The following UGT1A10 variants were observed in gnomAD, a reference collection of about 807,000 sequenced individuals.
UGT1A10 encodes UDP-glucuronosyltransferase 1A10.
UGT1A10 carries 49 observed loss-of-function variants against 45.8 expected under a neutral mutation model. The ratio of observed to expected loss-of-function variants is 1.07; its 90% CI spans 0.85 to 1.36. The LOEUF is 1.36. Among genes scored for constraint, UGT1A10 ranks in the 40% most tolerant of loss-of-function variants. UGT1A10 has a pLI of 0.00. For missense variants in UGT1A10, 745 were observed against 668.6 expected (o/e 1.11, Z -1.26); for synonymous variants, 284 against 249.7 (o/e 1.14, Z -1.29).
At chr2:233,712,490 G>T (rs916274893) in intron 1 of UGT1A10, among the ~76,000 whole-genome samples, 2 of 152,158 alleles carry the variant, frequency 1.3e-5, no homozygotes, top group Admixed American at 1.3e-4. Context: ...AAGAAAGCTG[G>T]CTTAGCAATG....
chr2:233,754,758 C>T (rs1438461710), intron 1 of UGT1A10: 1 of 879,896 alleles, frequency 1.1e-6, no homozygotes, highest in Non-Finnish European at 1.7e-6. Context: ...GGAAGAAAGG[C>T]CCCCACTTCC....
chr2:233,710,795 T>C (rs914559681), intron 1 of UGT1A10, among the ~76,000 whole-genome samples: 1 of 152,238 alleles, frequency 6.6e-6, no homozygotes. Flanking sequence ...TTGTGTTTTG[T>C]ACCCCTCGTG....
intron 1 of UGT1A10, among the ~76,000 whole-genome samples, chr2:233,656,730 TC>T (rs1163395093): frequency 2.6e-5 from 4 of 152,114 alleles, no homozygotes; most frequent in African/African-American, 9.7e-5. Context: ...CAGCCTTCTG[TC>T]CCGTCGTGGC....
At chr2:233,705,790 C>A (rs1416017084) in intron 1 of UGT1A10, among the ~76,000 whole-genome samples, 6 of 152,064 alleles carry the variant, frequency 3.9e-5, no homozygotes, top group African/African-American at 1.4e-4. Flanking sequence ...GCAAAATGCC[C>A]CTTGTTCAAA....
At position 233,706,863 on chromosome 2, in the gene UGT1A10, A is replaced by G. The variant is rs557746658; in HGVS notation, c.856-60171A>G. 6.4e-4 allele frequency among the ~76,000 whole-genome samples: 97 copies of G among 152,338 alleles called. 1 individual carries two copies. In the South Asian group the frequency reaches 0.019, roughly 30 times the overall value. Reference sequence around the variant, plus strand: ...CTCAGCAGTCTTTACTAAGATTCCTAGACCTGGCACTTCCCAGCTCTGGTT... The same window carrying G: ...CTCAGCAGTCTTTACTAAGATTCCTGGACCTGGCACTTCCCAGCTCTGGTT... On this transcript the variant is annotated intron_variant, in intron 1 of 4. Coordinates refer to ENST00000344644, the MANE Select transcript of UGT1A10 (RefSeq NM_019075.4).
chr2:233,760,962 G>C, intron 1 of UGT1A10: 1 of 1,614,152 alleles, frequency 6.2e-7, no homozygotes, highest in Non-Finnish European at 8.5e-7. Flanking sequence ...TGTGCGACGT[G>C]GTTTATTCCC....
At chr2:233,645,369 G>T (rs1271836659) in intron 1 of UGT1A10, among the ~76,000 whole-genome samples, 1 of 152,124 alleles carries the variant, frequency 6.6e-6, no homozygotes, top group Non-Finnish European at 1.5e-5. Flanking sequence ...CAAATCTCAT[G>T]TCCTCACATT....
intron 1 of UGT1A10, among the ~76,000 whole-genome samples, chr2:233,665,269 T>G (rs2074049645): frequency 6.6e-6 from 1 of 152,250 alleles, no homozygotes; most frequent in Non-Finnish European, 1.5e-5. Flanking sequence ...TTCAACCAAT[T>G]AATATTGATA....
intron 1 of UGT1A10, among the ~76,000 whole-genome samples, chr2:233,680,686 T>A (rs1375454354): frequency 6.6e-6 from 1 of 151,856 alleles, no homozygotes; most frequent in East Asian, 1.9e-4. Flanking sequence ...GGAAGGAGGA[T>A]GAAAACAGGT....
intron 1 of UGT1A10, chr2:233,689,786 T>C: frequency 2.4e-6 from 1 of 409,846 alleles, no homozygotes; most frequent in Middle Eastern, 7.9e-4. Flanking sequence ...TATGTTATGA[T>C]GTGATCTGTA....
At chr2:233,676,121 C>A (rs553203666) in intron 1 of UGT1A10, among the ~76,000 whole-genome samples, 1 of 152,246 alleles carries the variant, frequency 6.6e-6, no homozygotes, top group Admixed American at 6.5e-5. Flanking sequence ...ACAGAAGACC[C>A]ACCCTGGGGT....
chr2:233,689,817 A>T, intron 1 of UGT1A10: 3 of 442,316 alleles, frequency 6.8e-6, no homozygotes, highest in South Asian at 4.9e-5. Flanking sequence ...GAAACCAAAC[A>T]TCTCTGGACT....
chr2:233,764,498 G>T (rs1372261378), intron 1 of UGT1A10, among the ~76,000 whole-genome samples: 1 of 152,176 alleles, frequency 6.6e-6, no homozygotes, highest in East Asian at 1.9e-4. Context: ...TGGACCTGTG[G>T]GTTCAATTTT....
At chr2:233,644,117 C>T in intron 1 of UGT1A10, among the ~76,000 whole-genome samples, 1 of 152,158 alleles carries the variant, frequency 6.6e-6, no homozygotes, top group Non-Finnish European at 1.5e-5. Context: ...CTAGTACAGC[C>T]CTAGAACTCA....
chr2:233,706,268 A>T (rs1234933778), intron 1 of UGT1A10, among the ~76,000 whole-genome samples: 1 of 152,148 alleles, frequency 6.6e-6, no homozygotes, highest in Non-Finnish European at 1.5e-5. Flanking sequence ...TGGATTGCCC[A>T]ACCTCAGGGG....
At chr2:233,664,829 G>C (rs2074040589) in intron 1 of UGT1A10, among the ~76,000 whole-genome samples, 1 of 152,114 alleles carries the variant, frequency 6.6e-6, no homozygotes, top group African/African-American at 2.4e-5. Context: ...ATTTTCATTT[G>C]TCTCATTTGG....
Position 233,693,128 on chromosome 2 carries a change from A to G in UGT1A10, c.855+55751A>G, listed in dbSNP as rs148594741. 338 of 1,614,088 alleles carry G rather than the reference A, an allele frequency of 2.1e-4. No homozygotes were observed. The highest frequency in any genetic ancestry group is 2.7e-4 in the Non-Finnish European group (320 of 1,180,052). On this transcript the variant is annotated intron_variant, in intron 1 of 4. Transcript: ENST00000344644. ...TCAGGACGGAAGCCACTGGCTTAGTATGAAGGATATAGTTGAGGTTCTCAG... is the reference window on the plus strand; with the variant it reads ...TCAGGACGGAAGCCACTGGCTTAGTGTGAAGGATATAGTTGAGGTTCTCAG...
At chr2:233,728,661 G>A (rs577951721) in intron 1 of UGT1A10, among the ~76,000 whole-genome samples, 3 of 152,294 alleles carry the variant, frequency 2.0e-5, no homozygotes, top group South Asian at 2.1e-4. Flanking sequence ...GATGCGCTGC[G>A]TTACTCATAC....
chr2:233,729,562 T>C lies in UGT1A10; in HGVS notation c.856-37472T>C, dbSNP rs201451179. ...GATCAGGCACCTGAATGCTACTTCC[T>C]TTGATGTGGTTTTAACAGACCCCGT... On this transcript the variant is annotated intron_variant, in intron 1 of 4. Transcript: ENST00000344644. 8.7e-6 allele frequency: 14 copies of C among 1,614,160 alleles called. No homozygotes were observed. The East Asian group carries it at 3.1e-4, about 36-fold the overall frequency.
Sources: gnomAD v4.1 joint callset for allele counts (sites outside exome capture counted in the v4.1 genomes callset) on GRCh38, gnomAD v4.1.1 for gene constraint, MANE v1.5 for transcripts, NCBI Gene and HGNC (gene_info 2026-07-23, HGNC 2026-07-21) for gene names.